The following EFHD1 variants were observed in gnomAD, a reference collection of about 807,000 sequenced individuals.
The protein encoded by EFHD1 is EF-hand domain family member D1.
In EFHD1, 10 loss-of-function variants were observed where a neutral mutation model predicts 17.2. The observed-to-expected ratio is 0.58, with a 90% CI of 0.36 to 0.99. EFHD1 has a LOEUF of 0.99. EFHD1 is among the 50% of genes least tolerant of loss of function. EFHD1 has a pLI of 0.01. For synonymous variants in EFHD1, 153 were observed against 142.0 expected, an observed-to-expected ratio of 1.08 and a Z score of -0.55; for missense variants, 310 against 327.5, an observed-to-expected ratio of 0.95 and a Z score of 0.41.
At chr2:232,633,304 G>C (rs1278194227), upstream of EFHD1, 4 of 270,208 alleles carry the variant, frequency 1.5e-5, no homozygotes, top group African/African-American at 2.3e-5. Context: ...CTGAACGGTC[G>C]AGACGCTTTT....
In EFHD1 at chr2:232,681,689, C is replaced by T; in HGVS notation, c.690C>T (p.Phe230=). 6.2e-7 allele frequency: 1 copy of T among 1,614,192 alleles called. No individual in the cohort carries two copies. Among genetic ancestry groups the T allele is most frequent in the East Asian group, 2.2e-5 (1 of 44,890 alleles). Residue 230 remains phenylalanine (F), a synonymous_variant, in exon 4 of 4, where the codon TTC becomes TTT. Transcript: ENST00000264059. The stretch of plus-strand genomic sequence containing the variant: ...AGAGGCGGCTCCGCCAGGCAGCCTT[C>T]CAGAAACTCAAGGCCAACTTCAATA... ...EEERRLRQAA[F]QKLKANFNT
chr2:232,630,796 A>G (rs1031818915), upstream of EFHD1, among the ~76,000 whole-genome samples: 6 of 135,688 alleles, frequency 4.4e-5, no homozygotes, highest in African/African-American at 2.6e-5. Context: ...AAAAAAAAAA[A>G]AAAAGAAAGA....
At chr2:232,614,351 G>C (rs984499176) in intron 1 of EFHD1, among the ~76,000 whole-genome samples, 7 of 151,952 alleles carry the variant, frequency 4.6e-5, no homozygotes, top group Non-Finnish European at 2.9e-5. Flanking sequence ...TTAGCCCTCT[G>C]CCTTCTCTGA....
chr2:232,616,812 G>A lies in EFHD1; in HGVS notation c.14+10639G>A, dbSNP rs1307797004. Among the ~76,000 whole-genome samples, 3 of 138,254 alleles carry A rather than the reference G, an allele frequency of 2.2e-5. No individual in the cohort carries two copies. The East Asian group carries it at 5.8e-4, about 27-fold the overall frequency. 90.7% of individuals were successfully genotyped at this position (138,254 alleles called of 152,430 possible). A position where few individuals can be genotyped will look rare whatever the true frequency, so the allele number is the denominator to read the frequency against. On this transcript the variant is annotated intron_variant, in intron 1 of 3. Coordinates refer to the EFHD1 transcript ENST00000409613. ...GAAATGTACACCTAAAAATGGTTAAGATGATGGTAAATTTTAGCTGTAATT... is the reference window on the plus strand; with the variant it reads ...GAAATGTACACCTAAAAATGGTTAAAATGATGGTAAATTTTAGCTGTAATT...
chr2:232,621,236 G>T (rs913879358), intron 1 of EFHD1, among the ~76,000 whole-genome samples: 5 of 152,096 alleles, frequency 3.3e-5, no homozygotes, highest in Non-Finnish European at 7.4e-5. Context: ...CAAAATTGGC[G>T]TAGTCTGTGC....
Position 232,633,663 on chromosome 2 carries a change from CGTCCCGCGTCCCCGCG to C in EFHD1, c.-41_-26del. 7.2e-7 allele frequency: 1 copy of C among 1,390,078 alleles called. No homozygotes were observed. Among genetic ancestry groups the C allele is most frequent in the Non-Finnish European group, 9.2e-7 (1 of 1,082,498 alleles). 86.1% of individuals were successfully genotyped at this position (1,390,078 alleles called of 1,614,324 possible). ...CGCCGCCCGCCAGCTCCCTGCGTCCCGTCCCGCGTCCCCGCGTTCCCGCGTCCTGCGATCCGCCGCC... is the reference window on the plus strand; with the variant it reads ...CGCCGCCCGCCAGCTCCCTGCGTCCCTTCCCGCGTCCTGCGATCCGCCGCC... On this transcript the variant is annotated 5_prime_UTR_variant, in exon 1 of 4. Coordinates refer to ENST00000264059, the MANE Select transcript of EFHD1 (RefSeq NM_025202.4).
intron 1 of EFHD1, among the ~76,000 whole-genome samples, chr2:232,634,895 G>A (rs1694288820): frequency 6.6e-6 from 1 of 152,254 alleles, no homozygotes; most frequent in African/African-American, 2.4e-5. Flanking sequence ...ATGCCTGGGG[G>A]AGCTGAGGCC....
rs1694468916 is a variant in EFHD1, at chr2:232,643,467, G to A, written c.302+9461G>A. Among the ~76,000 whole-genome samples, 3 of 152,112 alleles carry A rather than the reference G, an allele frequency of 2.0e-5. No homozygotes were observed. The South Asian group carries it at 6.2e-4, about 32-fold the overall frequency. On this transcript the variant is annotated intron_variant, in intron 1 of 3. Coordinates refer to ENST00000264059, the MANE Select transcript of EFHD1 (RefSeq NM_025202.4). ...CTGTCACCCAGGCTGGAGTGAAGTG[G>A]TACGATCATGGCTCACTGCAGCCTC...
At chr2:232,621,528 C>T (rs1694018086) in intron 1 of EFHD1, among the ~76,000 whole-genome samples, 1 of 152,184 alleles carries the variant, frequency 6.6e-6, no homozygotes, top group South Asian at 2.1e-4. Flanking sequence ...TCTCAGCTCA[C>T]TGCAACCTCC....
intron 1 of EFHD1, among the ~76,000 whole-genome samples, chr2:232,627,246 G>GAAA (rs1172175802): frequency 3.2e-5 from 3 of 93,792 alleles, no homozygotes; most frequent in South Asian, 3.3e-4. Flanking sequence ...AACACAAACA[G>GAAA]AAAAAAAAAA....
In EFHD1 at chr2:232,660,683, A is replaced by G. The variant is rs542349765; in HGVS notation, c.303-2119A>G. On this transcript the variant is annotated intron_variant, in intron 1 of 3. Transcript: ENST00000264059. ...CAAATTGTGGTAAAATGCACTTAAC[A>G]TAAAATTGACCAGGCCAGGTGTAGT... Among the ~76,000 whole-genome samples the G allele has an allele frequency of 5.3e-4, 80 of 152,158 alleles. No homozygotes were observed. The South Asian group carries it at 0.016, about 31-fold the overall frequency.
At chr2:232,631,713 C>A (rs150732268), upstream of EFHD1, among the ~76,000 whole-genome samples, 2,637 of 105,276 alleles carry the variant, frequency 0.025, 60 homozygotes, top group African/African-American at 0.069. Context: ...AAAACAAAAA[C>A]AAAACCAGCT....
At chr2:232,674,673 T>C (rs985497021) in intron 3 of EFHD1, among the ~76,000 whole-genome samples, 1 of 152,134 alleles carries the variant, frequency 6.6e-6, no homozygotes, top group African/African-American at 2.4e-5. Flanking sequence ...GTGCTTGGTA[T>C]ATAATGGCCC....
intron 1 of EFHD1, among the ~76,000 whole-genome samples, chr2:232,653,267 A>G (rs1694692132): frequency 6.6e-6 from 1 of 152,090 alleles, no homozygotes; most frequent in African/African-American, 2.4e-5. Context: ...TGCTAGGATT[A>G]CAGGCATGAG....
intron 1 of EFHD1, among the ~76,000 whole-genome samples, chr2:232,616,375 G>A (rs62191607): frequency 1.9e-4 from 29 of 151,658 alleles, no homozygotes; most frequent in Non-Finnish European, 3.5e-4. Flanking sequence ...CTCGGCTCAC[G>A]GCAACCTCCG....
At chr2:232,677,826 A>G (rs1309534552) in intron 3 of EFHD1, among the ~76,000 whole-genome samples, 2 of 152,230 alleles carry the variant, frequency 1.3e-5, no homozygotes, top group Admixed American at 6.5e-5. Flanking sequence ...CTCCAATGTT[A>G]TAAAAAGAAT....
intron 1 of EFHD1, among the ~76,000 whole-genome samples, chr2:232,655,501 GACACAT>G (rs1694744176): frequency 6.6e-6 from 1 of 152,214 alleles, no homozygotes; most frequent in Non-Finnish European, 1.5e-5. Context: ...GTAAGTTTTG[GACACAT>G]ACGGAAGGCT....
chr2:232,675,547 T>G (rs541237303), intron 3 of EFHD1, among the ~76,000 whole-genome samples: 1 of 152,224 alleles, frequency 6.6e-6, no homozygotes, highest in Admixed American at 6.5e-5. Context: ...CAAGGTGGGT[T>G]TCAGGAAACG....
At chr2:232,630,341 G>T (rs1436433689), upstream of EFHD1, among the ~76,000 whole-genome samples, 1 of 152,218 alleles carries the variant, frequency 6.6e-6, no homozygotes, top group African/African-American at 2.4e-5. Flanking sequence ...CCGTAACGGT[G>T]ACCACCTGGA....
Sources: allele counts gnomAD v4.1 joint callset (sites outside exome capture counted in the v4.1 genomes callset), GRCh38; gene constraint gnomAD v4.1.1; transcripts MANE v1.5; gene names NCBI Gene and HGNC (gene_info 2026-07-23, HGNC 2026-07-21).